The following CLCN3 variants were observed in gnomAD, a reference collection of about 807,000 sequenced individuals.
The protein encoded by CLCN3 is H(+)/Cl(-) exchange transporter 3.
In CLCN3, 16 loss-of-function variants were observed where a neutral mutation model predicts 83.4. The observed-to-expected ratio is 0.19, with a 90% CI of 0.13 to 0.29. The LOEUF (loss-of-function observed/expected upper bound fraction) is 0.29. Among genes scored for constraint, CLCN3 ranks in the 10% least tolerant of loss-of-function variants. The pLI is 1.00. For synonymous variants in CLCN3, 322 were observed against 346.2 expected (o/e 0.93, Z 0.78); for missense variants, 544 against 1,006.0 (o/e 0.54, Z 6.21).
intron 2 of CLCN3, among the ~76,000 whole-genome samples, chr4:169,665,694 G>A (rs1335187135): frequency 6.6e-6 from 1 of 151,802 alleles, no homozygotes; most frequent in Non-Finnish European, 1.5e-5. Context: ...TTGGATTTCT[G>A]CCTCTTCCTT....
intron 9 of CLCN3, among the ~76,000 whole-genome samples, chr4:169,700,870 A>C (rs1024736023): frequency 2.0e-5 from 3 of 152,220 alleles, no homozygotes; most frequent in Admixed American, 2.0e-4. Context: ...TTGATTGCTA[A>C]AAAATGCTAA....
At chr4:169,659,860 C>T (rs997665876) in intron 2 of CLCN3, among the ~76,000 whole-genome samples, 1 of 152,094 alleles carries the variant, frequency 6.6e-6, no homozygotes. Context: ...CACAAACTTA[C>T]TAGAGTGCTG....
In CLCN3 at chr4:169,718,267, T is replaced by C. The variant is rs10014938; in HGVS notation, c.2367-1640T>C. ...ATCCCCGCAAGCCCTTTTTTTTTTT[T>C]TTAAATGTTTCCCGATCTTGTGGTA... On this transcript the variant is annotated intron_variant, in intron 12 of 12. Transcript: ENST00000513761. Among the ~76,000 whole-genome samples the C allele has an allele frequency of 3.4e-3, 518 of 152,146 alleles. 2 individuals are homozygous for C. The highest frequency in any genetic ancestry group is 0.011 in the African/African-American group (446 of 41,524).
chr4:169,659,965 A>G (rs756578186), intron 2 of CLCN3: 5 of 814,692 alleles, frequency 6.1e-6, no homozygotes, highest in Non-Finnish European at 7.4e-6. Context: ...CTTTATATTT[A>G]TCTTAAAACC....
At chr4:169,708,766 A>G (rs1733086790) in intron 11 of CLCN3, among the ~76,000 whole-genome samples, 1 of 152,076 alleles carries the variant, frequency 6.6e-6, no homozygotes, top group African/African-American at 2.4e-5. Flanking sequence ...GATAGGACAT[A>G]ATGTTGGTTT....
chr4:169,721,397 C>T lies in CLCN3; in HGVS notation c.*1400C>T, dbSNP rs1249612657. 1 of 152,154 alleles carries T rather than the reference C, an allele frequency of 6.6e-6. No individual in the cohort carries two copies. The highest frequency in any genetic ancestry group is 2.4e-5 in the African/African-American group (1 of 41,430). The allele number at this position is 152,154 out of a possible 1,614,324, so 9.4% of individuals were successfully genotyped here. A position where few individuals can be genotyped will look rare whatever the true frequency, so the allele number is the denominator to read the frequency against. Reference sequence around the variant, plus strand: ...AAACCTTTCTCTGATCTTTCACTGCCATCCTCTGGATTATGTCTTCTGACC... The same window carrying T: ...AAACCTTTCTCTGATCTTTCACTGCTATCCTCTGGATTATGTCTTCTGACC... On this transcript the variant is annotated 3_prime_UTR_variant, in exon 13 of 13. Coordinates refer to ENST00000513761, the MANE Select transcript of CLCN3 (RefSeq NM_001829.4).
At chr4:169,649,039 A>G (rs1368345331) in intron 2 of CLCN3, among the ~76,000 whole-genome samples, 1 of 145,180 alleles carries the variant, frequency 6.9e-6, no homozygotes, top group African/African-American at 2.5e-5. Context: ...AAAAAAAAAA[A>G]GTATGAATGT....
At chr4:169,719,030 TG>T (rs1733531860) in intron 12 of CLCN3, among the ~76,000 whole-genome samples, 1 of 152,228 alleles carries the variant, frequency 6.6e-6, no homozygotes, top group Non-Finnish European at 1.5e-5. Context: ...GATTTGTTCT[TG>T]GGGCTCTGAT....
intron 1 of CLCN3, among the ~76,000 whole-genome samples, chr4:169,631,942 A>C (rs1012424223): frequency 1.1e-4 from 16 of 152,166 alleles, no homozygotes; most frequent in Non-Finnish European, 2.4e-4. Context: ...TCTACCAACC[A>C]GAAAAGCCCT....
chr4:169,697,547 T>A lies in CLCN3; in HGVS notation c.1376T>A (p.Leu459His). The A allele has an allele frequency of 6.2e-7, 1 of 1,614,206 alleles. No individual in the cohort carries two copies. Among genetic ancestry groups the A allele is most frequent in the Non-Finnish European group, 8.5e-7 (1 of 1,180,028 alleles). Residue 459 changes from leucine (L) to histidine (H), a missense_variant, in exon 9 of 13, where the codon CTT becomes CAT. Around this residue, in one of 6 missense-constraint regions of CLCN3, gnomAD observed 194 missense variants for 341.4 expected, o/e 0.57. Transcript: ENST00000513761. The stretch of plus-strand genomic sequence containing the variant: ...AACACCAGTGAACTGATCAAAGAGC[T>A]TTTTACAGACTGTGGTCCCCTGGAA... ...RLNTSELIKE[L>H]FTDCGPLESS...
chr4:169,653,820 C>T (rs1730806244), intron 2 of CLCN3, among the ~76,000 whole-genome samples: 1 of 151,944 alleles, frequency 6.6e-6, no homozygotes, highest in South Asian at 2.1e-4. Context: ...ATGCCAGGCT[C>T]CTTTAAACAA....
intron 2 of CLCN3, among the ~76,000 whole-genome samples, chr4:169,673,441 G>GT (rs1176792509): frequency 1.3e-5 from 2 of 152,096 alleles, no homozygotes; most frequent in Admixed American, 6.5e-5. Flanking sequence ...TTCGTCATTC[G>GT]TAAGTCTTTG....
intron 3 of CLCN3, among the ~76,000 whole-genome samples, chr4:169,682,740 ATTTAT>A (rs949470438): frequency 6.6e-6 from 1 of 152,106 alleles, no homozygotes; most frequent in Non-Finnish European, 1.5e-5. Flanking sequence ...GCATAATATG[ATTTAT>A]TTATTTGATT....
chr4:169,656,115 G>T (rs1245775643), intron 2 of CLCN3, among the ~76,000 whole-genome samples: 2 of 151,346 alleles, frequency 1.3e-5, no homozygotes, highest in Non-Finnish European at 1.5e-5. Flanking sequence ...GACTGACAAT[G>T]CAAGTTAAGG....
intron 10 of CLCN3, 60 bp downstream of exon 10, chr4:169,704,244 A>T: frequency 1.3e-6 from 2 of 1,486,274 alleles, no homozygotes; most frequent in Non-Finnish European, 1.9e-6. Context: ...GCCAAGAGAA[A>T]GTGGGACACA....
intron 2 of CLCN3, among the ~76,000 whole-genome samples, chr4:169,645,864 C>T (rs1730557647): frequency 6.6e-6 from 1 of 152,146 alleles, no homozygotes; most frequent in Non-Finnish European, 1.5e-5. Flanking sequence ...TTCTATTGTG[C>T]TTGCATTCTT....
intron 2 of CLCN3, among the ~76,000 whole-genome samples, chr4:169,642,175 C>G (rs1301105609): frequency 5.3e-5 from 8 of 152,000 alleles, no homozygotes; most frequent in Admixed American, 5.2e-4. Context: ...CGCAAGCTCT[C>G]CTCCTGCCTC....
At chr4:169,661,696 ATATGTG>A (rs1446317042) in intron 2 of CLCN3, among the ~76,000 whole-genome samples, 4 of 152,126 alleles carry the variant, frequency 2.6e-5, no homozygotes, top group African/African-American at 9.6e-5. Flanking sequence ...AAATTTTGAT[ATATGTG>A]TATATGTATA....
intron 2 of CLCN3, among the ~76,000 whole-genome samples, chr4:169,661,055 C>T (rs1228016428): frequency 6.6e-6 from 1 of 151,916 alleles, no homozygotes; most frequent in Non-Finnish European, 1.5e-5. Flanking sequence ...TATGATAAAA[C>T]ACATTTGACT....
Sources: allele counts gnomAD v4.1 joint callset (sites outside exome capture counted in the v4.1 genomes callset), GRCh38; gene constraint gnomAD v4.1.1; regional missense constraint gnomAD v4.1.1; transcripts MANE v1.5; gene names NCBI Gene and HGNC (gene_info 2026-07-23, HGNC 2026-07-21).